COLQ: variants seen among roughly 807,000 people sequenced by gnomAD.
COLQ encodes collagen like tail subunit of asymmetric acetylcholinesterase, also known as acetylcholinesterase collagenic tail peptide.
Under a neutral mutation model 69.0 loss-of-function variants are expected in COLQ, and 48 were observed. The ratio of observed to expected loss-of-function variants is 0.70; its 90% confidence interval spans 0.55 to 0.88. COLQ has a LOEUF of 0.88. Among genes scored for constraint, COLQ ranks in the 40% least tolerant of loss-of-function variants. COLQ has a pLI of 0.00. For synonymous variants in COLQ, 217 were observed against 211.2 expected (o/e 1.03, Z -0.24); for missense variants, 618 against 594.6 (o/e 1.04, Z -0.41).
chr3:15,504,531 T>G (rs2062877456), intron 1 of COLQ, among the ~76,000 whole-genome samples: 1 of 152,204 alleles, frequency 6.6e-6, no homozygotes, highest in South Asian at 2.1e-4. Flanking sequence ...TTATCTTAAC[T>G]TAATCACTTT....
chr3:15,475,215 C>T, intron 7 of COLQ: 1 of 656,688 alleles, frequency 1.5e-6, no homozygotes, highest in South Asian at 1.9e-5. Flanking sequence ...TTGGTTCTTC[C>T]TGCCCAAGAG....
intron 3 of COLQ, among the ~76,000 whole-genome samples, chr3:15,483,240 C>G (rs1393043146): frequency 6.6e-6 from 1 of 152,094 alleles, no homozygotes; most frequent in Non-Finnish European, 1.5e-5. Flanking sequence ...TTAGTTATTT[C>G]TTGCCTTCTG....
intron 1 of COLQ, among the ~76,000 whole-genome samples, chr3:15,519,335 A>G (rs540246635): frequency 3.3e-5 from 5 of 152,272 alleles, no homozygotes; most frequent in Non-Finnish European, 7.4e-5. Flanking sequence ...TCTGGCTTCA[A>G]GTTGGGTTGG....
At chr3:15,467,280 A>T (rs1559516525) in intron 11 of COLQ, among the ~76,000 whole-genome samples, 1 of 152,240 alleles carries the variant, frequency 6.6e-6, no homozygotes, top group Non-Finnish European at 1.5e-5. Flanking sequence ...TTGAGACTCC[A>T]GGTAACTCAT....
intron 1 of COLQ, among the ~76,000 whole-genome samples, chr3:15,502,887 C>T (rs951536419): frequency 2.6e-5 from 4 of 152,200 alleles, no homozygotes; most frequent in Admixed American, 1.3e-4. Context: ...ACGACGATGA[C>T]CCATGCTCAG....
chr3:15,510,385 T>C (rs1202694196), intron 1 of COLQ, among the ~76,000 whole-genome samples: 2 of 151,994 alleles, frequency 1.3e-5, no homozygotes, highest in Non-Finnish European at 2.9e-5. Context: ...ATTATCTCCA[T>C]TTTACAGATG....
chr3:15,478,846 A>G, intron 5 of COLQ, 131 bp downstream of exon 5: 1 of 1,085,198 alleles, frequency 9.2e-7, no homozygotes, highest in Non-Finnish European at 1.4e-6. Flanking sequence ...TCGAGACAGC[A>G]GCACCATCAC....
At chr3:15,475,208 G>A (rs2062359317) in intron 7 of COLQ, 4 of 653,232 alleles carry the variant, frequency 6.1e-6, no homozygotes, top group Admixed American at 2.7e-5. Flanking sequence ...CAGAAGCTTG[G>A]TTCTTCCTGC....
chr3:15,494,123 T>C (rs1198183962), intron 1 of COLQ, among the ~76,000 whole-genome samples: 3 of 152,102 alleles, frequency 2.0e-5, no homozygotes, highest in South Asian at 2.1e-4. Context: ...GAAAGTTAAT[T>C]TGGGGCTAGA....
chr3:15,467,079 C>A (rs2062210812), intron 11 of COLQ, among the ~76,000 whole-genome samples: 1 of 152,202 alleles, frequency 6.6e-6, no homozygotes, highest in Admixed American at 6.5e-5. Flanking sequence ...GCATTTATCC[C>A]AGATCATAGC....
chr3:15,516,250 C>T (rs545096343), intron 1 of COLQ, among the ~76,000 whole-genome samples: 26 of 152,302 alleles, frequency 1.7e-4, no homozygotes, highest in Non-Finnish European at 2.9e-4. Context: ...GCATCAGACA[C>T]AAATAAATGG....
At position 15,451,179 on chromosome 3, in the gene COLQ, C is replaced by T. The variant is rs1243438127; in HGVS notation, c.*465G>A. The T allele has an allele frequency of 4.5e-6, 1 of 220,436 alleles. No homozygotes were observed. The highest frequency in any genetic ancestry group is 2.3e-5 in the African/African-American group (1 of 44,398). The allele number at this position is 220,436 out of a possible 1,614,324, so 13.7% of individuals were successfully genotyped here. A position where few individuals can be genotyped will look rare whatever the true frequency, so the allele number is the denominator to read the frequency against. On this transcript the variant is annotated 3_prime_UTR_variant, in exon 17 of 17. Coordinates refer to ENST00000383788, the MANE Select transcript of COLQ (RefSeq NM_005677.4). ...TTGTGGTTCATAGGCCTAGAGAGACCCGACAGCGGGCTGCCCAGTGTGAGT... is the reference window on the plus strand; with the variant it reads ...TTGTGGTTCATAGGCCTAGAGAGACTCGACAGCGGGCTGCCCAGTGTGAGT...
In COLQ at chr3:15,520,287, C is replaced by T. The variant is rs547572816; in HGVS notation, c.106+1233G>A. ...ACCACCACTCACCTTTCCTGCCCAC[C>T]CTCCTGAATTCTCCACAAATCTGCC... On this transcript the variant is annotated intron_variant, in intron 1 of 16. Coordinates refer to ENST00000383788, the MANE Select transcript of COLQ (RefSeq NM_005677.4). Among the ~76,000 whole-genome samples the T allele has an allele frequency of 1.1e-4, 16 of 152,332 alleles. No homozygotes were observed. The East Asian group carries it at 3.1e-3, about 29-fold the overall frequency.
At position 15,474,920 on chromosome 3, in the gene COLQ, C is replaced by A. The variant is rs765867687; in HGVS notation, c.555+5G>T. ...TCTAGGACACCATCCAAGAAAAGCA[C>A]TAACCTTTTCCCCTCTGGATCCAGG... On this transcript the variant is annotated splice_donor_5th_base_variant and intron_variant, in intron 8 of 16. Transcript: ENST00000383788. 1.2e-6 allele frequency: 2 copies of A among 1,614,002 alleles called. No homozygotes were observed. Among genetic ancestry groups the A allele is most frequent in the Non-Finnish European group, 1.7e-6 (2 of 1,179,970 alleles).
At chr3:15,482,188 A>G (rs2062498461) in intron 3 of COLQ, among the ~76,000 whole-genome samples, 1 of 152,172 alleles carries the variant, frequency 6.6e-6, no homozygotes, top group African/African-American at 2.4e-5. Flanking sequence ...CTCTTTTCCT[A>G]ATTGAATACC....
chr3:15,486,641 C>T (rs1329892083), intron 3 of COLQ, among the ~76,000 whole-genome samples: 1 of 152,176 alleles, frequency 6.6e-6, no homozygotes, highest in African/African-American at 2.4e-5. Context: ...AATGCACCTC[C>T]GAGGATTCTC....
At chr3:15,477,302 C>A (rs1456835871) in intron 5 of COLQ, 105 bp from the exon 6 acceptor site, 15 of 1,019,984 alleles carry the variant, frequency 1.5e-5, no homozygotes, top group African/African-American at 3.2e-5. Flanking sequence ...GTTCTCTAGG[C>A]ATGGCTACTA....
chr3:15,486,799 T>C (rs2062582758), intron 3 of COLQ, among the ~76,000 whole-genome samples: 1 of 152,156 alleles, frequency 6.6e-6, no homozygotes, highest in African/African-American at 2.4e-5. Flanking sequence ...GGGAATATAA[T>C]AGTGAGTGAG....
chr3:15,510,488 C>A (rs1257940321), intron 1 of COLQ, among the ~76,000 whole-genome samples: 5 of 119,826 alleles, frequency 4.2e-5, no homozygotes, highest in Admixed American at 8.7e-5. Flanking sequence ...GCAGGTGGAT[C>A]GCTGACCCCA....
Sources: allele counts gnomAD v4.1 joint callset (sites outside exome capture counted in the v4.1 genomes callset), GRCh38; gene constraint gnomAD v4.1.1; transcripts MANE v1.5; gene names NCBI Gene and HGNC (gene_info 2026-07-23, HGNC 2026-07-21).